The following ARHGEF12 variants were observed in gnomAD, a reference collection of about 807,000 sequenced individuals.
ARHGEF12 encodes Rho guanine nucleotide exchange factor 12.
ARHGEF12 carries 66 observed loss-of-function variants against 211.2 expected under a neutral mutation model. That is an observed-to-expected ratio of 0.31 (90% CI 0.26 to 0.38). The LOEUF is 0.38. Among genes scored for constraint, ARHGEF12 ranks in the 10% least tolerant of loss-of-function variants. ARHGEF12 has a pLI of 1.00. For synonymous variants in ARHGEF12, 592 were observed against 638.4 expected (o/e 0.93, Z 1.09); for missense variants, 1,429 against 1,869.5 (o/e 0.76, Z 4.34).
intron 4 of ARHGEF12, among the ~76,000 whole-genome samples, chr11:120,416,445 G>C (rs541478918): frequency 7.2e-5 from 11 of 152,236 alleles, no homozygotes; most frequent in African/African-American, 2.6e-4. Flanking sequence ...GTGGGAGTCT[G>C]TAAGAGGGGC....
intron 1 of ARHGEF12, among the ~76,000 whole-genome samples, chr11:120,387,151 A>C (rs147872418): frequency 2.1e-3 from 325 of 152,046 alleles, no homozygotes; most frequent in Middle Eastern, 0.01. Flanking sequence ...CATATGGTCT[A>C]TGGAAACAAT....
intron 29 of ARHGEF12, among the ~76,000 whole-genome samples, 195 bp from the exon 30 acceptor site, chr11:120,469,093 T>G (rs1231893767): frequency 6.6e-6 from 1 of 152,202 alleles, no homozygotes; most frequent in Non-Finnish European, 1.5e-5. Flanking sequence ...TGTTTTAAAG[T>G]CCTGTTATAA....
chr11:120,439,369 T>C (rs1479561933), intron 12 of ARHGEF12: 2 of 152,084 alleles, frequency 1.3e-5, no homozygotes, highest in Non-Finnish European at 2.9e-5. Context: ...CAATCAAGAG[T>C]GATTATGCCT....
chr11:120,482,468 A>G (rs996996930), intron 39 of ARHGEF12, among the ~76,000 whole-genome samples: 14 of 151,884 alleles, frequency 9.2e-5, no homozygotes, highest in Non-Finnish European at 2.9e-5. Flanking sequence ...CATCAGAGGC[A>G]GGGCACGGTG....
At chr11:120,460,844 C>A in intron 27 of ARHGEF12, 87 bp downstream of exon 27, 1 of 1,119,268 alleles carries the variant, frequency 8.9e-7, no homozygotes, top group Non-Finnish European at 1.3e-6. Context: ...TCCAAATATG[C>A]AAACTCATCC....
intron 39 of ARHGEF12, 96 bp downstream of exon 39, chr11:120,481,672 G>T: frequency 1.6e-6 from 2 of 1,224,204 alleles, no homozygotes; most frequent in Non-Finnish European, 2.3e-6. Flanking sequence ...CAATAAACTT[G>T]TTCAGGTTCT....
Position 120,340,568 on chromosome 11 carries a change from A to G in ARHGEF12, c.32+3293A>G, listed in dbSNP as rs558052456. On this transcript the variant is annotated intron_variant, in intron 1 of 40. Transcript: ENST00000397843. ...TAATTAATGATACTTTTCATTAGTG[A>G]TACTTTTTCTGTCAAAATTGCTGTA... 2.2e-4 allele frequency among the ~76,000 whole-genome samples: 33 copies of G among 152,250 alleles called. No homozygotes were observed. The South Asian group carries it at 6.6e-3, about 31-fold the overall frequency.
At chr11:120,469,814 G>A (rs568859813) in intron 30 of ARHGEF12, among the ~76,000 whole-genome samples, 11 of 152,182 alleles carry the variant, frequency 7.2e-5, no homozygotes, top group Non-Finnish European at 1.0e-4. Flanking sequence ...AAGATGCTAC[G>A]ATATATAACT....
At chr11:120,423,665 A>G (rs1365794053) in intron 6 of ARHGEF12, among the ~76,000 whole-genome samples, 1 of 152,086 alleles carries the variant, frequency 6.6e-6, no homozygotes, top group Non-Finnish European at 1.5e-5. Flanking sequence ...TGGTGTGTGT[A>G]TACTAGAAAA....
intron 1 of ARHGEF12, among the ~76,000 whole-genome samples, chr11:120,389,667 A>T (rs1944152643): frequency 6.6e-6 from 1 of 152,076 alleles, no homozygotes; most frequent in African/African-American, 2.4e-5. Flanking sequence ...TTTTACTATA[A>T]TCACCCTCCA....
At chr11:120,351,149 A>T (rs557984704) in intron 1 of ARHGEF12, among the ~76,000 whole-genome samples, 2 of 151,556 alleles carry the variant, frequency 1.3e-5, no homozygotes, top group African/African-American at 4.8e-5. Flanking sequence ...GGAAATCGAG[A>T]CCATTCTGGC....
rs994709939 is a variant in ARHGEF12, at chr11:120,405,580, C to G, written c.33-538C>G. Among the ~76,000 whole-genome samples, 5 of 152,100 alleles carry G rather than the reference C, an allele frequency of 3.3e-5. No homozygotes were observed. The South Asian group carries it at 8.3e-4, about 25-fold the overall frequency. On this transcript the variant is annotated intron_variant, in intron 1 of 40. Transcript: ENST00000397843. ...AAATCTAAACCTAATAATTGAGGAT[C>G]ACGATGACATAGATCAATAGTGCAG...
chr11:120,366,084 C>T (rs117388325), intron 1 of ARHGEF12: 2,905 of 152,246 alleles, frequency 0.019, 47 homozygotes, highest in Non-Finnish European at 0.029. Flanking sequence ...ATAACAAGAC[C>T]CTGTCTCTAC....
intron 1 of ARHGEF12, among the ~76,000 whole-genome samples, chr11:120,400,988 C>T (rs527602651): frequency 1.3e-5 from 2 of 152,260 alleles, no homozygotes; most frequent in Admixed American, 6.5e-5. Flanking sequence ...CAAAGAACAC[C>T]ATGGGAAATT....
intron 1 of ARHGEF12, among the ~76,000 whole-genome samples, chr11:120,352,396 G>A (rs924367616): frequency 4.6e-5 from 7 of 152,092 alleles, no homozygotes; most frequent in African/African-American, 1.7e-4. Flanking sequence ...AGATAATCAG[G>A]CCTTTGGAAG....
chr11:120,382,938 G>A (rs1327311857), intron 1 of ARHGEF12, among the ~76,000 whole-genome samples: 1 of 152,156 alleles, frequency 6.6e-6, no homozygotes, highest in African/African-American at 2.4e-5. Flanking sequence ...AGGAGATTGA[G>A]ACCATCCTGG....
intron 15 of ARHGEF12, among the ~76,000 whole-genome samples, chr11:120,444,843 G>A (rs1288041417): frequency 1.3e-5 from 2 of 152,164 alleles, no homozygotes; most frequent in Non-Finnish European, 2.9e-5. Context: ...TGGTTCAGTA[G>A]CAAGAACTGT....
intron 13 of ARHGEF12, 82 bp from the exon 14 acceptor site, chr11:120,441,625 G>T: frequency 1.9e-6 from 2 of 1,051,570 alleles, no homozygotes; most frequent in South Asian, 1.6e-5. Context: ...GTGAAATTTG[G>T]ATAGCTATGT....
At chr11:120,446,145 C>T (rs995954079) in intron 16 of ARHGEF12, among the ~76,000 whole-genome samples, 1 of 151,016 alleles carries the variant, frequency 6.6e-6, no homozygotes, top group Non-Finnish European at 1.5e-5. Flanking sequence ...TTGCAGTGAG[C>T]TGAGATCGCG....
Sources: gnomAD v4.1 joint callset for allele counts (sites outside exome capture counted in the v4.1 genomes callset) on GRCh38, gnomAD v4.1.1 for gene constraint, MANE v1.5 for transcripts, NCBI Gene and HGNC (gene_info 2026-07-23, HGNC 2026-07-21) for gene names.